The following VRK2 variants were observed in gnomAD, a reference collection of about 807,000 sequenced individuals.
VRK2 encodes the protein serine/threonine-protein kinase VRK2.
In VRK2, 60 loss-of-function variants were observed where a neutral mutation model predicts 57.6. The ratio of observed to expected loss-of-function variants is 1.04; its 90% CI spans 0.85 to 1.29. VRK2 has a LOEUF of 1.29. Ranked by LOEUF, VRK2 falls within the 50% of genes most tolerant of loss-of-function variation. VRK2 has a pLI of 0.00. For synonymous variants in VRK2, 231 were observed against 199.2 expected (o/e 1.16, Z -1.35); for missense variants, 705 against 588.1 (o/e 1.20, Z -2.06).
chr2:58,116,783 C>T (rs1281005353), intron 7 of VRK2, among the ~76,000 whole-genome samples: 1 of 152,198 alleles, frequency 6.6e-6, no homozygotes, highest in South Asian at 2.1e-4. Flanking sequence ...GTCCGATTTC[C>T]CATGGGGTCC....
At chr2:58,090,546 C>T (rs997232215) in intron 7 of VRK2, among the ~76,000 whole-genome samples, 13 of 152,034 alleles carry the variant, frequency 8.6e-5, no homozygotes, top group African/African-American at 3.1e-4. Flanking sequence ...ACAGTACCAA[C>T]TGCTGATGAG....
chr2:57,940,341 A>C (rs1671052238), intron 1 of VRK2, among the ~76,000 whole-genome samples: 1 of 152,164 alleles, frequency 6.6e-6, no homozygotes. Flanking sequence ...GAATGAGTTC[A>C]AGTCCTCCTG....
intron 11 of VRK2, among the ~76,000 whole-genome samples, chr2:58,141,229 C>T (rs1681283622): frequency 6.6e-6 from 1 of 151,982 alleles, no homozygotes; most frequent in South Asian, 2.1e-4. Flanking sequence ...TTAATCTATG[C>T]TAATTTAAGT....
intron 11 of VRK2, among the ~76,000 whole-genome samples, chr2:58,141,820 C>G (rs1013432502): frequency 6.6e-6 from 1 of 151,942 alleles, no homozygotes; most frequent in African/African-American, 2.4e-5. Context: ...CCCAGTTCCC[C>G]TGAATGATGC....
At chr2:58,141,819 C>T (rs1450626222) in intron 11 of VRK2, among the ~76,000 whole-genome samples, 1 of 151,878 alleles carries the variant, frequency 6.6e-6, no homozygotes, top group Non-Finnish European at 1.5e-5. Flanking sequence ...TCCCAGTTCC[C>T]CTGAATGATG....
intron 2 of VRK2, among the ~76,000 whole-genome samples, chr2:58,073,127 T>C (rs1669587520): frequency 6.6e-6 from 1 of 152,152 alleles, no homozygotes; most frequent in African/African-American, 2.4e-5. Context: ...TTTTGACTTT[T>C]AGTCATTAAT....
intron 1 of VRK2, among the ~76,000 whole-genome samples, chr2:57,985,151 A>T (rs1356166128): frequency 6.6e-6 from 1 of 152,058 alleles, no homozygotes; most frequent in Non-Finnish European, 1.5e-5. Context: ...GGTAAAACTT[A>T]ATTTAATAGT....
chr2:57,941,212 A>G (rs1671083116), intron 1 of VRK2, among the ~76,000 whole-genome samples: 1 of 152,182 alleles, frequency 6.6e-6, no homozygotes, highest in South Asian at 2.1e-4. Flanking sequence ...AAATCTGTTA[A>G]TTGTACTAAA....
intron 11 of VRK2, among the ~76,000 whole-genome samples, chr2:58,143,151 T>G (rs1325519973): frequency 6.6e-6 from 1 of 151,968 alleles, no homozygotes; most frequent in Non-Finnish European, 1.5e-5. Context: ...TCTCTTTATT[T>G]TCTGTATATG....
Position 58,050,945 on chromosome 2 carries a change from A to G in VRK2, c.136+1978A>G, listed in dbSNP as rs962961717. 3.3e-5 allele frequency among the ~76,000 whole-genome samples: 5 copies of G among 152,194 alleles called. No homozygotes were observed. The East Asian group carries it at 5.8e-4, about 18-fold the overall frequency. On this transcript the variant is annotated intron_variant, in intron 2 of 12. Coordinates refer to ENST00000340157, the MANE Select transcript of VRK2 (RefSeq NM_006296.7). Reference sequence around the variant, plus strand: ...CTGCAACCTCCACCTCCTAGGTTCAAGCAATTCTCATGCCTCAACCTCCCA... The same window carrying G: ...CTGCAACCTCCACCTCCTAGGTTCAGGCAATTCTCATGCCTCAACCTCCCA...
chr2:58,073,359 T>C (rs553603964), intron 2 of VRK2, among the ~76,000 whole-genome samples: 8 of 152,136 alleles, frequency 5.3e-5, no homozygotes, highest in Non-Finnish European at 5.9e-5. Flanking sequence ...CGTATTCTTA[T>C]TAACTTTTTG....
chr2:58,013,322 A>C (rs1673469043), intron 1 of VRK2, among the ~76,000 whole-genome samples: 1 of 152,242 alleles, frequency 6.6e-6, no homozygotes, highest in South Asian at 2.1e-4. Context: ...TGTTATTTAC[A>C]CATCTACTAA....
At chr2:57,995,249 G>A (rs569491366) in intron 1 of VRK2, among the ~76,000 whole-genome samples, 3 of 152,066 alleles carry the variant, frequency 2.0e-5, no homozygotes, top group Non-Finnish European at 2.9e-5. Flanking sequence ...TGCACTAGTC[G>A]TTTGGAAAAT....
upstream of VRK2, among the ~76,000 whole-genome samples, chr2:58,045,044 G>C (rs1190201547): frequency 1.3e-5 from 2 of 152,218 alleles, no homozygotes; most frequent in Non-Finnish European, 2.9e-5. Context: ...CCCAGGTTGA[G>C]AAATGCTGTT....
chr2:58,082,274 C>CA (rs1670995876), intron 2 of VRK2, among the ~76,000 whole-genome samples: 1 of 151,748 alleles, frequency 6.6e-6, no homozygotes, highest in Non-Finnish European at 1.5e-5. Flanking sequence ...GGTTGGACAT[C>CA]TTTTTTTTCC....
chr2:58,017,516 T>C (rs1368853740), intron 1 of VRK2, among the ~76,000 whole-genome samples: 9 of 152,212 alleles, frequency 5.9e-5, no homozygotes, highest in Non-Finnish European at 8.8e-5. Flanking sequence ...CTGGGGCCTC[T>C]TCATGGCCTT....
At chr2:58,050,120 G>A (rs989667296) in intron 2 of VRK2, among the ~76,000 whole-genome samples, 2 of 152,034 alleles carry the variant, frequency 1.3e-5, no homozygotes, top group Non-Finnish European at 2.9e-5. Context: ...AGTTACATAT[G>A]TAGTTTAAAA....
chr2:57,928,817 T>C (rs1201618786), intron 1 of VRK2, among the ~76,000 whole-genome samples: 1 of 152,240 alleles, frequency 6.6e-6, no homozygotes, highest in African/African-American at 2.4e-5. Context: ...ATAGAAGTAC[T>C]ACCTTGGTGG....
At chr2:58,019,117 A>G (rs1463505585) in intron 1 of VRK2, among the ~76,000 whole-genome samples, 1 of 152,222 alleles carries the variant, frequency 6.6e-6, no homozygotes, top group African/African-American at 2.4e-5. Context: ...TCAAATTTGT[A>G]ACTACAATGC....
Sources: allele counts gnomAD v4.1 joint callset (sites outside exome capture counted in the v4.1 genomes callset), GRCh38; gene constraint gnomAD v4.1.1; transcripts MANE v1.5; gene names NCBI Gene and HGNC (gene_info 2026-07-23, HGNC 2026-07-21).